SARS2: variants seen among roughly 807,000 people sequenced by gnomAD.
The protein encoded by SARS2 is serine--tRNA ligase, mitochondrial.
In SARS2, 52 loss-of-function variants were observed where a neutral mutation model predicts 66.8. The observed-to-expected ratio is 0.78, with a 90% CI of 0.62 to 0.98. The LOEUF (loss-of-function observed/expected upper bound fraction) is 0.98, where lower values mean the gene tolerates loss of function less well. SARS2 is among the 50% of genes least tolerant of loss of function. The pLI is 0.00. For synonymous variants in SARS2, 306 were observed against 281.4 expected, an observed-to-expected ratio of 1.09 and a Z score of -0.87; for missense variants, 673 against 706.3, an observed-to-expected ratio of 0.95 and a Z score of 0.53.
intron 2 of SARS2, among the ~76,000 whole-genome samples, chr19:38,923,204 C>T (rs1485712443): frequency 8.0e-6 from 1 of 124,586 alleles, no homozygotes; most frequent in African/African-American, 3.1e-5. Flanking sequence ...CGCGCCCAGC[C>T]TGATCTCAGG....
rs1398710535 is a variant in SARS2, at chr19:38,922,070, C to T, written c.393+168G>A. The T allele has an allele frequency of 5.1e-6, 8 of 1,574,536 alleles. No individual in the cohort carries two copies. The East Asian group carries it at 1.7e-4, about 33-fold the overall frequency. On this transcript the variant is annotated intron_variant, in intron 3 of 15. Coordinates refer to ENST00000221431, the MANE Select transcript of SARS2 (RefSeq NM_017827.4). ...CAAATATGGAGCCAGCACCTGGATC[C>T]AGCCGCACCTGAAGCCAGTTTTAGT...
chr19:38,929,850 A>C (rs1974699184), intron 1 of SARS2, among the ~76,000 whole-genome samples: 1 of 152,236 alleles, frequency 6.6e-6, no homozygotes, highest in Non-Finnish European at 1.5e-5. Flanking sequence ...ACACAGAGAT[A>C]TTGTGAACCC....
At chr19:38,924,617 TC>T (rs1974597845) in intron 2 of SARS2, among the ~76,000 whole-genome samples, 1 of 152,086 alleles carries the variant, frequency 6.6e-6, no homozygotes, top group East Asian at 1.9e-4. Flanking sequence ...CTCTCCCACT[TC>T]CTGGCTGTGA....
At chr19:38,923,299 G>A (rs1403797408) in intron 2 of SARS2, among the ~76,000 whole-genome samples, 1 of 132,616 alleles carries the variant, frequency 7.5e-6, no homozygotes, top group African/African-American at 3.0e-5. Context: ...TCGGCTCACT[G>A]CAAGCTCCGC....
chr19:38,921,883 T>A, intron 3 of SARS2: 1 of 1,382,602 alleles, frequency 7.2e-7, no homozygotes, highest in Non-Finnish European at 1.0e-6. Flanking sequence ...TTCTATTGCC[T>A]TGGCCACAAT....
At chr19:38,922,044 C>T (rs1247212569) in intron 3 of SARS2, 194 bp downstream of exon 3, 1 of 1,557,568 alleles carries the variant, frequency 6.4e-7, no homozygotes, top group Admixed American at 1.9e-5. Context: ...GAACGTAGGA[C>T]CAAATATGGA....
chr19:38,918,900 C>T, intron 7 of SARS2, 87 bp from the exon 8 acceptor site: 3 of 1,364,614 alleles, frequency 2.2e-6, no homozygotes, highest in Non-Finnish European at 3.1e-6. Context: ...TGCAGAGCCC[C>T]TTCCTCCTCA....
intron 2 of SARS2, among the ~76,000 whole-genome samples, chr19:38,922,969 T>A (rs369117581): frequency 9.3e-5 from 14 of 151,206 alleles, no homozygotes; most frequent in African/African-American, 3.2e-4. Flanking sequence ...AATGGCGCGA[T>A]CTTGGCTCAC....
chr19:38,928,608 C>T (rs1172792994), intron 1 of SARS2, among the ~76,000 whole-genome samples: 2 of 152,082 alleles, frequency 1.3e-5, no homozygotes, highest in South Asian at 2.1e-4. Context: ...TTTGAAAAAG[C>T]CTGCTAAAGG....
Position 38,926,313 on chromosome 19 carries a change from TAA to T in SARS2, c.268-15_268-14del. The T allele has an allele frequency of 6.2e-7, 1 of 1,601,862 alleles. No individual in the cohort carries two copies. Among genetic ancestry groups the T allele is most frequent in the Non-Finnish European group, 8.5e-7 (1 of 1,179,450 alleles). Reference sequence around the variant, plus strand: ...GCCATGTCGAGATCTGGGGTGGATATAAGAGAAAAGGAGATGAAGCAGCCATC... The same window carrying T: ...GCCATGTCGAGATCTGGGGTGGATATGAGAAAAGGAGATGAAGCAGCCATC... On this transcript the variant is annotated splice_polypyrimidine_tract_variant and intron_variant, in intron 1 of 15. Coordinates refer to ENST00000221431, the MANE Select transcript of SARS2 (RefSeq NM_017827.4).
At chr19:38,930,175 C>T (rs1974707530) in intron 1 of SARS2, 1 of 397,184 alleles carries the variant, frequency 2.5e-6, no homozygotes, top group Non-Finnish European at 4.6e-6. Flanking sequence ...GGTTGCAGCA[C>T]GGAGGGCAAT....
rs2144759903 is a variant in SARS2 at position 38,915,921 on chromosome 19, T to C, written c.1348-15A>G. The C allele has an allele frequency of 1.2e-6, 2 of 1,613,524 alleles. No homozygotes were observed. Among genetic ancestry groups the C allele is most frequent in the Non-Finnish European group, 1.7e-6 (2 of 1,179,928 alleles). ...GTGGCGTTCACCTGTGAGACAGCCA[T>C]GCTCGGAACTGGCGCCCACCCCAAG... On this transcript the variant is annotated splice_polypyrimidine_tract_variant and intron_variant, in intron 14 of 15. Transcript: ENST00000221431.
intron 2 of SARS2, among the ~76,000 whole-genome samples, chr19:38,923,276 C>T (rs2144774990): frequency 8.2e-6 from 1 of 122,104 alleles, no homozygotes; most frequent in Admixed American, 9.8e-5. Flanking sequence ...GGCTGGAGTG[C>T]AGTGGGGGGA....
At chr19:38,921,097 G>C (rs563993854) in intron 5 of SARS2, among the ~76,000 whole-genome samples, 132 of 129,490 alleles carry the variant, frequency 1.0e-3, no homozygotes, top group Middle Eastern at 4.3e-3. Context: ...AGACACACAT[G>C]ACACACAGTC....
At chr19:38,916,397 G>T in intron 12 of SARS2, 83 bp from the exon 13 acceptor site, 1 of 1,288,474 alleles carries the variant, frequency 7.8e-7, no homozygotes. Flanking sequence ...TGGAAGAGAA[G>T]GCAGCCAAAA....
chr19:38,915,667 T>C lies in SARS2; in HGVS notation c.1496A>G (p.Gln499Arg), dbSNP rs975526502. 6.8e-6 allele frequency: 11 copies of C among 1,613,188 alleles called. No homozygotes were observed. The highest frequency in any genetic ancestry group is 2.7e-5 in the African/African-American group (2 of 74,898). ...RITAPTHVPL[Q>R]YIGPNQPRKP... Reference sequence around the variant, plus strand: ...CCGGGGCTGGTTGGGGCCGATGTACTGGAGAGGCACGTGGGTAGGGGCTGT... The same window carrying C: ...CCGGGGCTGGTTGGGGCCGATGTACCGGAGAGGCACGTGGGTAGGGGCTGT... The change falls in exon 16 of 16, where the codon CAG (glutamine) becomes CGG (arginine). Residue 499 changes from glutamine (Q) to arginine (R), a missense_variant. Physicochemically the swap from Gln to Arg is conservative, Grantham distance 43. Transcript: ENST00000221431.
chr19:38,929,864 C>T (rs911750625), intron 1 of SARS2, among the ~76,000 whole-genome samples: 1 of 152,188 alleles, frequency 6.6e-6, no homozygotes, highest in Non-Finnish European at 1.5e-5. Context: ...TGAACCCGGT[C>T]CTAATTCCCT....
chr19:38,920,922 GATAGACACACAC>G (rs1479226189), intron 5 of SARS2, among the ~76,000 whole-genome samples: 2 of 143,466 alleles, frequency 1.4e-5, no homozygotes, highest in Non-Finnish European at 3.0e-5. Flanking sequence ...CACACACAGA[GATAGACACACAC>G]ATAGACACAC....
At chr19:38,927,439 A>C (rs1383231779) in intron 1 of SARS2, among the ~76,000 whole-genome samples, 1 of 151,736 alleles carries the variant, frequency 6.6e-6, no homozygotes, top group Non-Finnish European at 1.5e-5. Context: ...ACATGCTTGT[A>C]ATCCCAGCTA....
Sources: gnomAD v4.1 joint callset for allele counts (sites outside exome capture counted in the v4.1 genomes callset) on GRCh38, gnomAD v4.1.1 for gene constraint, MANE v1.5 for transcripts, NCBI Gene and HGNC (gene_info 2026-07-23, HGNC 2026-07-21) for gene names.